The following WWOX variants were observed in gnomAD, a reference collection of about 807,000 sequenced individuals.
The protein encoded by WWOX is WW domain-containing oxidoreductase.
A neutral mutation model predicts 46.2 loss-of-function variants in WWOX; 69 were observed. The observed-to-expected ratio is 1.49, with a 90% CI of 1.23 to 1.82. The LOEUF is 1.82. Ranked by LOEUF, WWOX falls within the 40% of genes most tolerant of loss-of-function variation. The pLI, the probability that WWOX is intolerant of heterozygous loss-of-function variation, is 0.00. For missense variants in WWOX, 919 were observed against 542.6 expected (o/e 1.69, Z -6.89); for synonymous variants, 359 against 202.6 (o/e 1.77, Z -6.56).
intron 8 of WWOX, among the ~76,000 whole-genome samples, chr16:78,814,157 C>A (rs143867620): frequency 6.6e-6 from 1 of 152,186 alleles, no homozygotes; most frequent in African/African-American, 2.4e-5. Flanking sequence ...CTCCCGCTGC[C>A]GGCAAGCGGA....
At chr16:78,791,501 G>C (rs2050599161) in intron 8 of WWOX, among the ~76,000 whole-genome samples, 1 of 152,056 alleles carries the variant, frequency 6.6e-6, no homozygotes, top group African/African-American at 2.4e-5. Flanking sequence ...TCGTGGTCTT[G>C]GCCTTTCTCT....
chr16:79,145,077 A>C (rs1371218410), intron 8 of WWOX, among the ~76,000 whole-genome samples: 1 of 152,192 alleles, frequency 6.6e-6, no homozygotes, highest in Non-Finnish European at 1.5e-5. Flanking sequence ...ATTTTGTTGA[A>C]TGGTGCCACT....
chr16:78,261,842 A>G (rs1383706206), intron 5 of WWOX, among the ~76,000 whole-genome samples: 2 of 147,874 alleles, frequency 1.4e-5, no homozygotes, highest in African/African-American at 2.5e-5. Flanking sequence ...GGGTTCTCGA[A>G]TCACAGTTGT....
intron 8 of WWOX, among the ~76,000 whole-genome samples, chr16:79,177,681 C>T (rs1487763391): frequency 6.6e-6 from 1 of 152,296 alleles, no homozygotes. Context: ...TCATGCTTGG[C>T]ACTTACATTT....
intron 8 of WWOX, among the ~76,000 whole-genome samples, chr16:79,038,924 T>C (rs903928767): frequency 6.6e-6 from 1 of 152,198 alleles, no homozygotes; most frequent in Non-Finnish European, 1.5e-5. Context: ...AACTTACAAA[T>C]CTGCATTTCA....
intron 8 of WWOX, among the ~76,000 whole-genome samples, chr16:78,499,800 C>G (rs935431037): frequency 2.0e-5 from 3 of 152,148 alleles, no homozygotes; most frequent in Non-Finnish European, 4.4e-5. Flanking sequence ...AAATCGAGGC[C>G]AAGGCACTGG....
rs377525581 is a variant in WWOX, at chr16:78,697,029, A to G, written c.1056+264277A>G. Among the ~76,000 whole-genome samples the G allele has an allele frequency of 1.6e-3, 246 of 152,260 alleles. 1 individual carries two copies. The highest frequency in any genetic ancestry group is 2.6e-3 in the Non-Finnish European group (180 of 68,014). ...TCATGGCTGAGTAGTATTCCATTGT[A>G]TATTTATACCGTAGTTTCTTTATCC... On this transcript the variant is annotated intron_variant, in intron 8 of 8. Transcript: ENST00000566780.
Position 78,852,370 on chromosome 16 carries a change from G to T in WWOX, c.1057-359238G>T, listed in dbSNP as rs944932838. On this transcript the variant is annotated intron_variant, in intron 8 of 8. Coordinates refer to ENST00000566780, the MANE Select transcript of WWOX (RefSeq NM_016373.4). ...TTGGACTTCTGCTTTGCTTCTCTTGGATCACTCCTTGTGGCAGAAGCTAGA... is the reference window on the plus strand; with the variant it reads ...TTGGACTTCTGCTTTGCTTCTCTTGTATCACTCCTTGTGGCAGAAGCTAGA... 3.8e-4 allele frequency among the ~76,000 whole-genome samples: 58 copies of T among 152,244 alleles called. 1 individual carries two copies. The highest frequency in any genetic ancestry group is 3.4e-3 in the Middle Eastern group (1 of 294).
At chr16:78,417,505 G>C (rs1417904473) in intron 6 of WWOX, among the ~76,000 whole-genome samples, 19 of 152,046 alleles carry the variant, frequency 1.2e-4, no homozygotes, top group Non-Finnish European at 1.0e-4. Context: ...CCCATAGTTA[G>C]TACTCAAAAA....
At chr16:79,033,128 C>T (rs562869686) in intron 8 of WWOX, among the ~76,000 whole-genome samples, 2 of 147,836 alleles carry the variant, frequency 1.4e-5, no homozygotes, top group Non-Finnish European at 3.0e-5. Context: ...GCATAGTATT[C>T]CACGGTGTAG....
chr16:78,972,914 C>A (rs1418041697), intron 8 of WWOX, among the ~76,000 whole-genome samples: 1 of 152,152 alleles, frequency 6.6e-6, no homozygotes, highest in South Asian at 2.1e-4. Context: ...AGCGCTGGAG[C>A]CTCCCGACCG....
At chr16:78,667,878 C>A (rs1356765290) in intron 8 of WWOX, among the ~76,000 whole-genome samples, 1 of 152,014 alleles carries the variant, frequency 6.6e-6, no homozygotes, top group Non-Finnish European at 1.5e-5. Context: ...CATCCCATAC[C>A]TCTGTGTGTG....
At chr16:78,911,454 A>T (rs2045109157) in intron 8 of WWOX, among the ~76,000 whole-genome samples, 1 of 152,062 alleles carries the variant, frequency 6.6e-6, no homozygotes, top group Non-Finnish European at 1.5e-5. Flanking sequence ...AAAGTGCTAG[A>T]AATGATAATG....
intron 5 of WWOX, among the ~76,000 whole-genome samples, chr16:78,219,687 C>G (rs143038089): frequency 1.3e-5 from 2 of 152,254 alleles, no homozygotes; most frequent in Non-Finnish European, 2.9e-5. Context: ...ATTTGGCAAC[C>G]AGGCAGATAA....
At chr16:78,291,046 C>T (rs562236810) in intron 5 of WWOX, among the ~76,000 whole-genome samples, 197 of 152,144 alleles carry the variant, frequency 1.3e-3, no homozygotes, top group African/African-American at 4.4e-3. Flanking sequence ...GTTAGGATGC[C>T]GTGGCTGCCA....
intron 5 of WWOX, among the ~76,000 whole-genome samples, chr16:78,380,230 T>G (rs985526073): frequency 6.6e-6 from 1 of 151,810 alleles, no homozygotes; most frequent in African/African-American, 2.4e-5. Flanking sequence ...GCAAGGAGGG[T>G]TGGGGGATGA....
At chr16:78,620,742 A>C (rs977909330) in intron 8 of WWOX, among the ~76,000 whole-genome samples, 3 of 152,256 alleles carry the variant, frequency 2.0e-5, no homozygotes, top group Admixed American at 6.5e-5. Context: ...GCATATTTGC[A>C]TAGAAATAAT....
intron 8 of WWOX, among the ~76,000 whole-genome samples, chr16:78,970,939 C>G (rs527718516): frequency 1.3e-5 from 2 of 152,136 alleles, no homozygotes; most frequent in Non-Finnish European, 2.9e-5. Context: ...GTTTTGCTTA[C>G]TTCTGCAGCA....
chr16:79,209,784 G>A (rs969829914), intron 8 of WWOX, among the ~76,000 whole-genome samples: 9 of 152,180 alleles, frequency 5.9e-5, no homozygotes, highest in African/African-American at 1.4e-4. Context: ...CCCCACATGG[G>A]ATGCAGAAGA....
Sources: gnomAD v4.1 joint callset for allele counts (sites outside exome capture counted in the v4.1 genomes callset) on GRCh38, gnomAD v4.1.1 for gene constraint, MANE v1.5 for transcripts, NCBI Gene and HGNC (gene_info 2026-07-23, HGNC 2026-07-21) for gene names.